The following CYP3A43 variants were observed in gnomAD, a reference collection of about 807,000 sequenced individuals.
CYP3A43 encodes cytochrome P450 family 3 subfamily A member 43, also known as cytochrome P450 3A43.
A neutral mutation model predicts 58.0 loss-of-function variants in CYP3A43; 45 were observed. The ratio of observed to expected loss-of-function variants is 0.78; its 90% CI spans 0.61 to 0.99. The LOEUF (loss-of-function observed/expected upper bound fraction) is 0.99, where lower values mean the gene tolerates loss of function less well. CYP3A43 is among the 50% of genes least tolerant of loss of function. The pLI, the probability that CYP3A43 is intolerant of heterozygous loss-of-function variation, is 0.00. For synonymous variants in CYP3A43, 191 were observed against 201.4 expected (o/e 0.95, Z 0.44); for missense variants, 593 against 591.9 (o/e 1.00, Z -0.02).
At position 99,849,797 on chromosome 7, in the gene CYP3A43, CT is replaced by C; in HGVS notation, c.670+105del. ...ATTCACATACCATATAATTCACCTA[CT>C]TAAAATGTATAATTCAATGGTTTTT... On this transcript the variant is annotated intron_variant, in intron 7 of 12. Transcript: ENST00000354829. 6 of 1,155,814 alleles carry C rather than the reference CT, an allele frequency of 5.2e-6. No individual in the cohort carries two copies. The Middle Eastern group carries it at 1.2e-3, about 232-fold the overall frequency. 71.6% of individuals were successfully genotyped at this position (1,155,814 alleles called of 1,614,324 possible). A position where few individuals can be genotyped will look rare whatever the true frequency, so the allele number is the denominator to read the frequency against.
intron 7 of CYP3A43, chr7:99,849,926 A>T (rs565079): frequency 0.078 from 44,429 of 566,246 alleles, 6,340 homozygotes; most frequent in African/African-American, 0.47. Flanking sequence ...ATACCATTTA[A>T]CCATCATCCC....
At chr7:99,831,245 T>G (rs548282411) in intron 1 of CYP3A43, among the ~76,000 whole-genome samples, 1 of 152,296 alleles carries the variant, frequency 6.6e-6, no homozygotes, top group East Asian at 1.9e-4. Context: ...TTTATAAGAT[T>G]TATTTATTTG....
At chr7:99,835,892 G>A (rs371374236) in intron 1 of CYP3A43, among the ~76,000 whole-genome samples, 60 of 152,296 alleles carry the variant, frequency 3.9e-4, no homozygotes, top group African/African-American at 1.2e-3. Flanking sequence ...CAGTAATAAC[G>A]TAACAACAGA....
chr7:99,862,972 G>A (rs1818297706), intron 11 of CYP3A43, among the ~76,000 whole-genome samples: 1 of 152,174 alleles, frequency 6.6e-6, no homozygotes, highest in Non-Finnish European at 1.5e-5. Flanking sequence ...CAAACAGATA[G>A]TAAGTGGTTA....
chr7:99,860,637 G>T (rs1420028109), intron 10 of CYP3A43, among the ~76,000 whole-genome samples: 1 of 152,194 alleles, frequency 6.6e-6, no homozygotes, highest in Admixed American at 6.5e-5. Flanking sequence ...TGGCAGTGAG[G>T]TGAACACAAA....
chr7:99,843,923 C>T (rs553688650), intron 3 of CYP3A43, among the ~76,000 whole-genome samples: 101 of 152,276 alleles, frequency 6.6e-4, no homozygotes, highest in Admixed American at 1.2e-3. Context: ...CCTGTTTGAG[C>T]CACATCACCC....
At chr7:99,853,234 T>C (rs1195769303) in intron 7 of CYP3A43, among the ~76,000 whole-genome samples, 1 of 152,222 alleles carries the variant, frequency 6.6e-6, no homozygotes, top group Non-Finnish European at 1.5e-5. Flanking sequence ...TGGCCTTTTC[T>C]TTGTGGGTAG....
chr7:99,855,423 G>A (rs897142127), intron 7 of CYP3A43, 168 bp from the exon 8 acceptor site: 3 of 822,694 alleles, frequency 3.6e-6, no homozygotes, highest in Non-Finnish European at 5.3e-6. Flanking sequence ...CCATTGGCAT[G>A]GAAGAGGGGC....
At chr7:99,839,205 C>T in intron 3 of CYP3A43, 33 bp downstream of exon 3, 14 of 1,611,576 alleles carry the variant, frequency 8.7e-6, no homozygotes, top group Non-Finnish European at 1.1e-5. Context: ...TTGGATAGAG[C>T]TGTTGCTATG....
At chr7:99,830,751 T>G (rs1816810495) in intron 1 of CYP3A43, among the ~76,000 whole-genome samples, 1 of 152,200 alleles carries the variant, frequency 6.6e-6, no homozygotes, top group Non-Finnish European at 1.5e-5. Context: ...CAGGCCATTC[T>G]TTGAGTATCA....
intron 7 of CYP3A43, among the ~76,000 whole-genome samples, chr7:99,854,330 C>T (rs1306660247): frequency 6.6e-6 from 1 of 151,764 alleles, no homozygotes; most frequent in African/African-American, 2.4e-5. Context: ...TCTCACCCTC[C>T]TGAGTAGCTG....
At chr7:99,845,797 A>G (rs932263937) in intron 4 of CYP3A43, among the ~76,000 whole-genome samples, 7 of 150,220 alleles carry the variant, frequency 4.7e-5, no homozygotes, top group African/African-American at 1.7e-4. Flanking sequence ...TTTTTTTTTA[A>G]GACGGTCTCG....
chr7:99,838,883 G>A (rs148100109), intron 2 of CYP3A43: 22,421 of 563,434 alleles, frequency 0.04, 598 homozygotes, highest in Non-Finnish European at 0.052. Context: ...GGGAGGCTGA[G>A]GCAGGAGAAG....
intron 1 of CYP3A43, among the ~76,000 whole-genome samples, chr7:99,832,739 A>G (rs1816899604): frequency 6.6e-6 from 1 of 151,968 alleles, no homozygotes; most frequent in African/African-American, 2.4e-5. Flanking sequence ...AAAAAGTGTG[A>G]CACCTCTTCT....
At chr7:99,849,472 C>T in intron 6 of CYP3A43, 74 bp from the exon 7 acceptor site, 2 of 1,505,692 alleles carry the variant, frequency 1.3e-6, no homozygotes, top group Non-Finnish European at 8.8e-7. Flanking sequence ...TGGCATAGCA[C>T]TTCTTGCTGT....
intron 12 of CYP3A43, among the ~76,000 whole-genome samples, chr7:99,865,367 A>G (rs985282087): frequency 6.7e-6 from 1 of 148,668 alleles, no homozygotes; most frequent in African/African-American, 2.6e-5. Context: ...AATCAAGAGA[A>G]GAAGTAAAAA....
At chr7:99,833,666 A>G (rs926319410) in intron 1 of CYP3A43, among the ~76,000 whole-genome samples, 18 of 152,154 alleles carry the variant, frequency 1.2e-4, no homozygotes, top group Non-Finnish European at 2.6e-4. Flanking sequence ...TTCCTGTTCC[A>G]TTGTCCCCTT....
intron 9 of CYP3A43, among the ~76,000 whole-genome samples, chr7:99,857,220 A>G (rs192168442): frequency 6.6e-6 from 1 of 152,300 alleles, no homozygotes; most frequent in East Asian, 1.9e-4. Context: ...GGAAACGTAC[A>G]TCTAACATCC....
In CYP3A43 at chr7:99,859,986, A is replaced by C; in HGVS notation, c.1022A>C (p.Asn341Thr). Residue 341 changes from asparagine (N) to threonine (T), a missense_variant, in exon 10 of 13, where the codon AAT becomes ACT. Coordinates refer to ENST00000354829, the MANE Select transcript of CYP3A43 (RefSeq NM_057095.3). ...GAGGAGATTGACGCAGTTTTACCCAATAAGGTAAGGGGATGATCCCCTGGA... is the reference window on the plus strand; with the variant it reads ...GAGGAGATTGACGCAGTTTTACCCACTAAGGTAAGGGGATGATCCCCTGGA... ...LQEEIDAVLPNKAPVTYDALV... is the reference protein window; with the variant it reads ...LQEEIDAVLPTKAPVTYDALV... The C allele has an allele frequency of 6.3e-7, 1 of 1,598,846 alleles. No homozygotes were observed. Among genetic ancestry groups the C allele is most frequent in the Non-Finnish European group, 8.5e-7 (1 of 1,173,038 alleles).
Sources: gnomAD v4.1 joint callset for allele counts (sites outside exome capture counted in the v4.1 genomes callset) on GRCh38, gnomAD v4.1.1 for gene constraint, MANE v1.5 for transcripts, NCBI Gene and HGNC (gene_info 2026-07-23, HGNC 2026-07-21) for gene names.